The following RBP2 variants were observed in gnomAD, a reference collection of about 807,000 sequenced individuals.
RBP2 encodes the protein retinol binding protein 2.
Under a neutral mutation model 17.0 loss-of-function variants are expected in RBP2, and 17 were observed. That is an observed-to-expected ratio of 1.00 (90% CI 0.68 to 1.50). The LOEUF is 1.50. RBP2 is among the 40% of genes most tolerant of loss of function. RBP2 has a pLI of 0.00. For synonymous variants in RBP2, 48 were observed against 57.1 expected (o/e 0.84, Z 0.72); for missense variants, 158 against 168.2 (o/e 0.94, Z 0.33).
chr3:139,469,663 A>ATCTGTCTGTCTG (rs774785857), intron 1 of RBP2, among the ~76,000 whole-genome samples: 266 of 145,814 alleles, frequency 1.8e-3, no homozygotes, highest in South Asian at 3.6e-3. Flanking sequence ...TCAGACATCT[A>ATCTGTCTGTCTG]TCTGTCTGTC....
intron 2 of RBP2, among the ~76,000 whole-genome samples, chr3:139,458,651 A>G (rs1199369039): frequency 6.6e-6 from 1 of 152,060 alleles, no homozygotes; most frequent in African/African-American, 2.4e-5. Context: ...CTGGGCAACC[A>G]CTTTCTCTCT....
chr3:139,454,635 C>T, intron 3 of RBP2, 94 bp downstream of exon 3: 1 of 1,184,966 alleles, frequency 8.4e-7, no homozygotes, highest in Non-Finnish European at 1.3e-6. Context: ...GGTAGGAGTG[C>T]AGGGCCATTT....
rs1374772931 is a variant in RBP2 at position 139,457,767 on chromosome 3, G to C, written c.253-2937C>G. Reference sequence around the variant, plus strand: ...GAGGAAATGGAAACAAGTGAGGAAAGCCCTTCTTTCTCAGCTAGGGGATAA... The same window carrying C: ...GAGGAAATGGAAACAAGTGAGGAAACCCCTTCTTTCTCAGCTAGGGGATAA... On this transcript the variant is annotated intron_variant, in intron 2 of 3. Coordinates refer to ENST00000232217, the MANE Select transcript of RBP2 (RefSeq NM_004164.3). Among the ~76,000 whole-genome samples, 4 of 152,246 alleles carry C rather than the reference G, an allele frequency of 2.6e-5. No individual in the cohort carries two copies. The East Asian group carries it at 7.7e-4, about 29-fold the overall frequency.
At chr3:139,466,065 C>CA (rs1559806988) in intron 1 of RBP2, among the ~76,000 whole-genome samples, 1 of 152,144 alleles carries the variant, frequency 6.6e-6, no homozygotes, top group Non-Finnish European at 1.5e-5. Flanking sequence ...AAAATGGGCT[C>CA]ACGAGCAAGT....
intron 3 of RBP2, among the ~76,000 whole-genome samples, 160 bp downstream of exon 3, chr3:139,454,569 G>A (rs1198659793): frequency 1.3e-5 from 2 of 152,222 alleles, no homozygotes; most frequent in Non-Finnish European, 2.9e-5. Context: ...AGTCCCCTGA[G>A]CCAGATGGGA....
At chr3:139,465,191 G>A (rs966209568) in intron 1 of RBP2, among the ~76,000 whole-genome samples, 3 of 152,164 alleles carry the variant, frequency 2.0e-5, no homozygotes, top group Non-Finnish European at 4.4e-5. Flanking sequence ...GAATAAAAGA[G>A]GGAACTAGTT....
intron 1 of RBP2, among the ~76,000 whole-genome samples, chr3:139,468,439 G>C (rs73868222): frequency 2.6e-5 from 4 of 152,112 alleles, no homozygotes; most frequent in Non-Finnish European, 5.9e-5. Flanking sequence ...GACCAGTGCC[G>C]GGGGAATCTT....
intron 1 of RBP2, among the ~76,000 whole-genome samples, chr3:139,464,658 G>T (rs80323892): frequency 0.083 from 12,629 of 152,154 alleles, 575 homozygotes; most frequent in Middle Eastern, 0.16. Flanking sequence ...ATATTAGCTA[G>T]CCAGAAGGTA....
chr3:139,463,818 AT>A (rs975785984), intron 1 of RBP2, among the ~76,000 whole-genome samples: 102 of 152,146 alleles, frequency 6.7e-4, no homozygotes, highest in African/African-American at 2.4e-3. Context: ...AATCTTTAAT[AT>A]TTTTTTTAGA....
chr3:139,469,419 T>C (rs1253441011), intron 1 of RBP2, among the ~76,000 whole-genome samples: 1 of 152,152 alleles, frequency 6.6e-6, no homozygotes, highest in Non-Finnish European at 1.5e-5. Context: ...ACTGCATGCT[T>C]ACTGGGATGG....
rs530184372 is a variant in RBP2 at position 139,474,875 on chromosome 3, C to T, written c.73+1512G>A. Among the ~76,000 whole-genome samples the T allele has an allele frequency of 2.0e-5, 3 of 152,230 alleles. No homozygotes were observed. The East Asian group carries it at 5.8e-4, about 29-fold the overall frequency. On this transcript the variant is annotated intron_variant, in intron 1 of 3. Transcript: ENST00000232217. ...AGAATCCCATTTCTATTGGCCACTCCTGGTACTAAAAATCACAGGTGCAAC... is the reference window on the plus strand; with the variant it reads ...AGAATCCCATTTCTATTGGCCACTCTTGGTACTAAAAATCACAGGTGCAAC...
chr3:139,466,330 G>A (rs1358615363), intron 1 of RBP2: 1 of 152,174 alleles, frequency 6.6e-6, no homozygotes, highest in East Asian at 1.9e-4. Context: ...AGCCACCTTG[G>A]CCTTGCAATC....
chr3:139,470,438 T>TA (rs1933524463), intron 1 of RBP2, among the ~76,000 whole-genome samples: 1 of 152,088 alleles, frequency 6.6e-6, no homozygotes, highest in Admixed American at 6.5e-5. Context: ...AGCAGCCTCC[T>TA]AATGGGTCTC....
At chr3:139,469,687 G>GTCTGTCTATCTATCTATCTATCTA (rs1432677359) in intron 1 of RBP2, among the ~76,000 whole-genome samples, 52 of 132,976 alleles carry the variant, frequency 3.9e-4, no homozygotes, top group East Asian at 4.2e-4. Context: ...CTGTCTGTCT[G>GTCTGTCTATCTATCTATCTATCTA]TCTATCTATC....
chr3:139,454,325 G>A (rs1401410051), intron 3 of RBP2, among the ~76,000 whole-genome samples: 1 of 152,076 alleles, frequency 6.6e-6, no homozygotes, highest in Admixed American at 6.5e-5. Flanking sequence ...CCCAGGCAGA[G>A]TGGGTCCTGT....
At chr3:139,457,028 C>G (rs1932995656) in intron 2 of RBP2, among the ~76,000 whole-genome samples, 1 of 152,190 alleles carries the variant, frequency 6.6e-6, no homozygotes, top group Non-Finnish European at 1.5e-5. Flanking sequence ...ACGGTGTCGT[C>G]TGTCCTCCTC....
intron 1 of RBP2, among the ~76,000 whole-genome samples, chr3:139,465,015 G>A (rs1035860329): frequency 6.6e-6 from 1 of 152,190 alleles, no homozygotes; most frequent in African/African-American, 2.4e-5. Context: ...TACTTTTCAT[G>A]TCAGAGATGA....
intron 1 of RBP2, among the ~76,000 whole-genome samples, chr3:139,465,937 C>T (rs1468564372): frequency 6.6e-6 from 1 of 152,138 alleles, no homozygotes; most frequent in Non-Finnish European, 1.5e-5. Flanking sequence ...CGAACGGTCT[C>T]TCGGCTGCCT....
chr3:139,454,277 A>G (rs1354474700), intron 3 of RBP2, among the ~76,000 whole-genome samples: 1 of 152,154 alleles, frequency 6.6e-6, no homozygotes, highest in Admixed American at 6.5e-5. Flanking sequence ...GGTCAGAAGG[A>G]CATACCTCAT....
Sources: allele counts gnomAD v4.1 joint callset (sites outside exome capture counted in the v4.1 genomes callset), GRCh38; gene constraint gnomAD v4.1.1; transcripts MANE v1.5; gene names NCBI Gene and HGNC (gene_info 2026-07-23, HGNC 2026-07-21).